Variants in PARVA observed in about 807,000 individuals in gnomAD.
PARVA encodes the protein alpha-parvin.
A neutral mutation model predicts 52.6 loss-of-function variants in PARVA; 25 were observed. The observed-to-expected ratio is 0.48, with a 90% CI of 0.35 to 0.66. The LOEUF (loss-of-function observed/expected upper bound fraction) is 0.66, where lower values mean the gene tolerates loss of function less well. Ranked by LOEUF, PARVA falls within the 30% of genes least tolerant of loss-of-function variation. The pLI is 0.01. For synonymous variants in PARVA, 185 were observed against 179.1 expected (o/e 1.03, Z -0.26); for missense variants, 373 against 450.9 (o/e 0.83, Z 1.56).
intron 1 of PARVA, among the ~76,000 whole-genome samples, chr11:12,449,661 C>T (rs933055424): frequency 1.3e-5 from 2 of 152,136 alleles, no homozygotes; most frequent in African/African-American, 4.8e-5. Flanking sequence ...TGACTTTGCT[C>T]CCACCAGCCT....
intron 1 of PARVA, among the ~76,000 whole-genome samples, chr11:12,448,130 C>T (rs533719272): frequency 1.3e-5 from 2 of 152,214 alleles, no homozygotes; most frequent in South Asian, 2.1e-4. Context: ...TCTGATTAAC[C>T]TACCTTACAG....
intron 1 of PARVA, among the ~76,000 whole-genome samples, chr11:12,403,954 ATTTACAC>A (rs1179879334): frequency 6.6e-6 from 1 of 152,208 alleles, no homozygotes; most frequent in Non-Finnish European, 1.5e-5. Flanking sequence ...AATGGAAACA[ATTTACAC>A]TTTACCAGTT....
At chr11:12,510,061 A>C (rs1458962979) in intron 7 of PARVA, among the ~76,000 whole-genome samples, 1 of 152,234 alleles carries the variant, frequency 6.6e-6, no homozygotes, top group Non-Finnish European at 1.5e-5. Flanking sequence ...ACAAAGACAT[A>C]AACATGGATG....
At chr11:12,406,661 G>GTTTTT (rs571973101) in intron 1 of PARVA, among the ~76,000 whole-genome samples, 12 of 77,798 alleles carry the variant, frequency 1.5e-4, no homozygotes, top group South Asian at 4.5e-4. Flanking sequence ...GGTTGTATCT[G>GTTTTT]TTTTTTTTTT....
intron 12 of PARVA, among the ~76,000 whole-genome samples, chr11:12,520,637 A>AT (rs1358763359): frequency 1.3e-5 from 2 of 152,178 alleles, no homozygotes; most frequent in African/African-American, 2.4e-5. Context: ...GTTAGCATCA[A>AT]GTTCCTAACC....
At chr11:12,471,585 C>G (rs1048275531) in intron 1 of PARVA, among the ~76,000 whole-genome samples, 3 of 27,836 alleles carry the variant, frequency 1.1e-4, no homozygotes, top group African/African-American at 2.2e-4. Flanking sequence ...GGCCATTATC[C>G]TTAGCAAACT....
At chr11:12,395,654 C>T (rs1939731964) in intron 1 of PARVA, among the ~76,000 whole-genome samples, 1 of 152,130 alleles carries the variant, frequency 6.6e-6, no homozygotes, top group Non-Finnish European at 1.5e-5. Flanking sequence ...AGTGAAAATC[C>T]ATCAAAGACT....
At chr11:12,430,108 T>A (rs1940296331) in intron 1 of PARVA, among the ~76,000 whole-genome samples, 2 of 152,212 alleles carry the variant, frequency 1.3e-5, no homozygotes, top group South Asian at 4.1e-4. Context: ...TGATTTGCAA[T>A]GTTGGTTGAT....
At chr11:12,472,187 CAT>C (rs1426466715) in intron 1 of PARVA, among the ~76,000 whole-genome samples, 1 of 152,170 alleles carries the variant, frequency 6.6e-6, no homozygotes, top group African/African-American at 2.4e-5. Context: ...TTAGGCCACA[CAT>C]AAAATACACT....
At chr11:12,405,132 C>T (rs1357868992) in intron 1 of PARVA, among the ~76,000 whole-genome samples, 1 of 152,012 alleles carries the variant, frequency 6.6e-6, no homozygotes, top group Non-Finnish European at 1.5e-5. Flanking sequence ...TAGGCTTTTT[C>T]CTTCTGGGCA....
At chr11:12,400,463 C>A (rs1050545062) in intron 1 of PARVA, among the ~76,000 whole-genome samples, 5 of 152,160 alleles carry the variant, frequency 3.3e-5, no homozygotes, top group African/African-American at 7.2e-5. Flanking sequence ...TATGGACATA[C>A]CTTATCTCCA....
chr11:12,429,484 A>C (rs1940284826), intron 1 of PARVA, among the ~76,000 whole-genome samples: 1 of 152,252 alleles, frequency 6.6e-6, no homozygotes, highest in Non-Finnish European at 1.5e-5. Flanking sequence ...TATAGCACAC[A>C]GTTTACAAAT....
At chr11:12,521,335 A>G (rs933930) in intron 12 of PARVA, among the ~76,000 whole-genome samples, 88,791 of 152,040 alleles carry the variant, frequency 0.58, 25,963 homozygotes, top group East Asian at 0.7. Context: ...TACAGAAGCC[A>G]ATGGTGACAA....
chr11:12,446,531 A>G lies in PARVA; in HGVS notation c.137-27214A>G, dbSNP rs532821973. On this transcript the variant is annotated intron_variant, in intron 1 of 12. Coordinates refer to ENST00000334956, the MANE Select transcript of PARVA (RefSeq NM_018222.5). The stretch of plus-strand genomic sequence containing the variant: ...TAAAGTAATAAAAACTTACATGGAG[A>G]GTTTTACCTAGACTGCAACAACCCA... Among the ~76,000 whole-genome samples, 5 of 152,332 alleles carry G rather than the reference A, an allele frequency of 3.3e-5. No individual in the cohort carries two copies. In the South Asian group the frequency reaches 8.3e-4, roughly 25 times the overall value.
At chr11:12,509,827 G>A (rs1941484528) in intron 7 of PARVA, among the ~76,000 whole-genome samples, 1 of 152,146 alleles carries the variant, frequency 6.6e-6, no homozygotes, top group Non-Finnish European at 1.5e-5. Context: ...GATGGGAGGA[G>A]CCAGGCCTGT....
intron 1 of PARVA, among the ~76,000 whole-genome samples, chr11:12,388,328 G>A (rs1939608436): frequency 6.6e-6 from 1 of 152,238 alleles, no homozygotes; most frequent in African/African-American, 2.4e-5. Flanking sequence ...TGATAATTCT[G>A]TTTGCTTGGA....
chr11:12,461,754 A>G (rs1940784451), intron 1 of PARVA, among the ~76,000 whole-genome samples: 1 of 152,234 alleles, frequency 6.6e-6, no homozygotes, highest in Non-Finnish European at 1.5e-5. Context: ...TGCAGAGCCT[A>G]TGAAACAGAC....
intron 6 of PARVA, among the ~76,000 whole-genome samples, chr11:12,505,305 T>C (rs534739834): frequency 6.6e-6 from 1 of 152,232 alleles, no homozygotes; most frequent in East Asian, 1.9e-4. Flanking sequence ...GGCTCTGCCA[T>C]CCCTTGATAA....
intron 1 of PARVA, among the ~76,000 whole-genome samples, chr11:12,470,142 T>G (rs11827964): frequency 0.027 from 4,126 of 152,344 alleles, 191 homozygotes; most frequent in African/African-American, 0.093. Context: ...TTTGTTTTTC[T>G]GGGAAAAAGG....
Sources: allele counts gnomAD v4.1 joint callset (sites outside exome capture counted in the v4.1 genomes callset), GRCh38; gene constraint gnomAD v4.1.1; transcripts MANE v1.5; gene names NCBI Gene and HGNC (gene_info 2026-07-23, HGNC 2026-07-21).